The following PDE9A variants were observed in gnomAD, a reference collection of about 807,000 sequenced individuals.
PDE9A encodes the protein high affinity cGMP-specific 3',5'-cyclic phosphodiesterase 9A.
PDE9A carries 60 observed loss-of-function variants against 87.4 expected under a neutral mutation model. The observed-to-expected ratio is 0.69, with a 90% CI of 0.56 to 0.85. The LOEUF is 0.85. Ranked by LOEUF, PDE9A falls within the 40% of genes least tolerant of loss-of-function variation. The pLI is 0.00. For missense variants in PDE9A, 665 were observed against 779.0 expected (o/e 0.85, Z 1.74); for synonymous variants, 272 against 279.4 (o/e 0.97, Z 0.27).
At chr21:42,732,216 G>A in intron 6 of PDE9A, 92 bp downstream of exon 6, 1 of 1,271,738 alleles carries the variant, frequency 7.9e-7, no homozygotes, top group Non-Finnish European at 1.1e-6. Flanking sequence ...GCTGGCCTTG[G>A]CCGGCAAGCG....
intron 1 of PDE9A, among the ~76,000 whole-genome samples, chr21:42,683,056 A>G (rs2059255978): frequency 6.6e-6 from 1 of 152,240 alleles, no homozygotes; most frequent in Non-Finnish European, 1.5e-5. Context: ...GCTTAAGAAG[A>G]CAGGGAAAGG....
intron 7 of PDE9A, among the ~76,000 whole-genome samples, chr21:42,743,220 T>A (rs2053497146): frequency 6.6e-6 from 1 of 152,230 alleles, no homozygotes; most frequent in East Asian, 1.9e-4. Flanking sequence ...GTTCTGCTGA[T>A]CCTCAACTTT....
At chr21:42,743,702 T>C in intron 7 of PDE9A, 74 bp from the exon 8 acceptor site, 1 of 944,270 alleles carries the variant, frequency 1.1e-6, no homozygotes, top group South Asian at 1.4e-5. Context: ...CAGGGAGCCC[T>C]TAGTTACCAG....
At chr21:42,668,920 G>A (rs1394628039) in intron 1 of PDE9A, among the ~76,000 whole-genome samples, 1 of 102,530 alleles carries the variant, frequency 9.8e-6, no homozygotes. Flanking sequence ...GTCCCACGCG[G>A]GCCACATCAA....
At chr21:42,767,904 C>G (rs1389209117) in intron 15 of PDE9A, among the ~76,000 whole-genome samples, 1 of 152,196 alleles carries the variant, frequency 6.6e-6, no homozygotes, top group African/African-American at 2.4e-5. Flanking sequence ...ACCTAGGGAA[C>G]AGCAGAAAAT....
intron 18 of PDE9A, among the ~76,000 whole-genome samples, chr21:42,771,269 G>A (rs1037928590): frequency 6.6e-6 from 1 of 152,194 alleles, no homozygotes; most frequent in East Asian, 1.9e-4. Flanking sequence ...AACACACACC[G>A]GCACCTCTCA....
chr21:42,765,367 C>G lies in PDE9A; in HGVS notation c.1243-14C>G, dbSNP rs1456070666. 2.0e-6 allele frequency: 3 copies of G among 1,483,254 alleles called. No homozygotes were observed. The highest frequency in any genetic ancestry group is 3.4e-5 in the Admixed American group (2 of 59,600). The allele number at this position is 1,483,254 out of a possible 1,614,324, so 91.9% of individuals were successfully genotyped here. ...ACTATACCCGTGTTAACACGTTGTT[C>G]TCTCGCTATTTAGGGAATGATCACA... On this transcript the variant is annotated splice_polypyrimidine_tract_variant and intron_variant, in intron 14 of 19. Transcript: ENST00000291539.
In PDE9A at chr21:42,689,788, C is replaced by A. The variant is rs901192523; in HGVS notation, c.218+1794C>A. The A allele has an allele frequency of 1.0e-5, 10 of 985,212 alleles. No homozygotes were observed. In the African/African-American group the frequency reaches 1.7e-4, roughly 17 times the overall value. The allele number at this position is 985,212 out of a possible 1,614,324, so 61.0% of individuals were successfully genotyped here. Reference sequence around the variant, plus strand: ...CTCTGCTGAGATGCCAAAATGCATGCCTTTCTGATAAAGAGACAGAGACAG... The same window carrying A: ...CTCTGCTGAGATGCCAAAATGCATGACTTTCTGATAAAGAGACAGAGACAG... On this transcript the variant is annotated intron_variant, in intron 3 of 19. Coordinates refer to ENST00000291539, the MANE Select transcript of PDE9A (RefSeq NM_002606.3).
intron 3 of PDE9A, among the ~76,000 whole-genome samples, chr21:42,693,380 G>C (rs2059968356): frequency 6.7e-6 from 1 of 149,466 alleles, no homozygotes; most frequent in African/African-American, 2.5e-5. Context: ...CTCACTGCAA[G>C]CTCTGCCTTC....
chr21:42,670,752 CTCACAT>C (rs2058511835), intron 1 of PDE9A, among the ~76,000 whole-genome samples: 1 of 144,704 alleles, frequency 6.9e-6, no homozygotes, highest in Non-Finnish European at 1.5e-5. Flanking sequence ...CACACATACA[CTCACAT>C]TCACACGCAC....
At chr21:42,758,303 A>G in intron 10 of PDE9A, 1 of 152,234 alleles carries the variant, frequency 6.6e-6, no homozygotes, top group East Asian at 1.9e-4. Flanking sequence ...GGGACTGAAA[A>G]CAAAATCTAT....
chr21:42,706,821 C>T (rs2048877935), intron 4 of PDE9A, among the ~76,000 whole-genome samples: 1 of 152,018 alleles, frequency 6.6e-6, no homozygotes, highest in South Asian at 2.1e-4. Context: ...TGTTCTCTGT[C>T]CTGTGCATTC....
chr21:42,769,304 C>T (rs571563255), intron 17 of PDE9A, 149 bp downstream of exon 17: 28 of 688,008 alleles, frequency 4.1e-5, no homozygotes, highest in Non-Finnish European at 6.1e-5. Flanking sequence ...GACGCACATA[C>T]AGGCACATAC....
At position 42,653,934 on chromosome 21, in the gene PDE9A, C is replaced by T. The variant is rs746657287; in HGVS notation, c.69+51C>T. 69 of 1,140,148 alleles carry T rather than the reference C, an allele frequency of 6.1e-5. No individual in the cohort carries two copies. The Middle Eastern group carries it at 2.1e-3, about 34-fold the overall frequency. 70.6% of individuals were successfully genotyped at this position (1,140,148 alleles called of 1,614,324 possible). A position where few individuals can be genotyped will look rare whatever the true frequency, so the allele number is the denominator to read the frequency against. On this transcript the variant is annotated intron_variant, in intron 1 of 19. Transcript: ENST00000291539. Reference sequence around the variant, plus strand: ...CCCTCCTCCCCCCGGGTGACAGCGCCGGGGCCGGGCGCGGCGGGGCGGGAC... The same window carrying T: ...CCCTCCTCCCCCCGGGTGACAGCGCTGGGGCCGGGCGCGGCGGGGCGGGAC...
At chr21:42,677,840 G>A (rs1032399899) in intron 1 of PDE9A, among the ~76,000 whole-genome samples, 12 of 152,104 alleles carry the variant, frequency 7.9e-5, no homozygotes, top group Non-Finnish European at 1.8e-4. Flanking sequence ...ATGGGATTTC[G>A]CCACACTGGC....
intron 1 of PDE9A, among the ~76,000 whole-genome samples, chr21:42,681,042 A>C (rs1244164870): frequency 6.6e-6 from 1 of 152,258 alleles, no homozygotes; most frequent in African/African-American, 2.4e-5. Flanking sequence ...AACTGAAATG[A>C]TACAAACTTG....
At chr21:42,737,100 G>A (rs112023636) in intron 7 of PDE9A, among the ~76,000 whole-genome samples, 38 of 152,354 alleles carry the variant, frequency 2.5e-4, no homozygotes, top group African/African-American at 7.7e-4. Flanking sequence ...GTAGGTGCGC[G>A]CCCAGCTTCT....
At chr21:42,749,108 T>C (rs190223383) in intron 8 of PDE9A, among the ~76,000 whole-genome samples, 7 of 152,338 alleles carry the variant, frequency 4.6e-5, no homozygotes, top group African/African-American at 2.4e-5. Flanking sequence ...TCTGTGTGCA[T>C]AGAGCTGTTT....
chr21:42,667,515 T>C (rs1044891833), intron 1 of PDE9A, among the ~76,000 whole-genome samples: 1 of 152,020 alleles, frequency 6.6e-6, no homozygotes, highest in African/African-American at 2.4e-5. Context: ...TTTGTTCTCT[T>C]GAAACAAAGG....
Sources: allele counts gnomAD v4.1 joint callset (sites outside exome capture counted in the v4.1 genomes callset), GRCh38; gene constraint gnomAD v4.1.1; transcripts MANE v1.5; gene names NCBI Gene and HGNC (gene_info 2026-07-23, HGNC 2026-07-21).